IGF1R: variants seen among roughly 807,000 people sequenced by gnomAD.
IGF1R encodes insulin-like growth factor 1 receptor.
Under a neutral mutation model 144.6 loss-of-function variants are expected in IGF1R, and 44 were observed. The observed-to-expected ratio is 0.30, with a 90% confidence interval of 0.24 to 0.39. The LOEUF is 0.39. IGF1R is among the 10% of genes least tolerant of loss of function. The pLI is 1.00. For missense variants in IGF1R, 1,355 were observed against 1,833.7 expected, an observed-to-expected ratio of 0.74 and a Z score of 4.77; for synonymous variants, 795 against 722.8, an observed-to-expected ratio of 1.10 and a Z score of -1.60.
chr15:98,650,163 C>T (rs1038858966), intron 1 of IGF1R, among the ~76,000 whole-genome samples: 4 of 152,192 alleles, frequency 2.6e-5, no homozygotes, highest in Non-Finnish European at 5.9e-5. Flanking sequence ...AGCGGGCAGC[C>T]GCCCGGCCCG....
rs893652632 is a variant in IGF1R at position 98,887,635 on chromosome 15, G to A, written c.641-3690G>A. On this transcript the variant is annotated intron_variant, in intron 2 of 20. Coordinates refer to ENST00000650285, the MANE Select transcript of IGF1R (RefSeq NM_000875.5). ...ATGGTGATGTCTGAAGAGCAGCCTC[G>A]GTGCTCCAAGATGGGTGTATGCTTA... 5.3e-5 allele frequency among the ~76,000 whole-genome samples: 8 copies of A among 152,292 alleles called. 1 individual carries two copies. The South Asian group carries it at 1.2e-3, about 24-fold the overall frequency.
intron 1 of IGF1R, among the ~76,000 whole-genome samples, chr15:98,663,888 A>G (rs1269955558): frequency 1.3e-5 from 2 of 152,206 alleles, no homozygotes; most frequent in African/African-American, 2.4e-5. Context: ...GGACTTTGCT[A>G]CTGGTGCTTT....
In IGF1R at chr15:98,957,546, C is replaced by T. The variant is rs2017055288; in HGVS notation, c.*104C>T. 1 of 1,458,538 alleles carries T rather than the reference C, an allele frequency of 6.9e-7. No homozygotes were observed. The highest frequency in any genetic ancestry group is 9.5e-7 in the Non-Finnish European group (1 of 1,051,662). The allele number at this position is 1,458,538 out of a possible 1,614,324, so 90.3% of individuals were successfully genotyped here. ...ATCCATTCACAAGCCTCCTGTACCT[C>T]AGTGGATCTTCAGAACTGCCCTTGC... On this transcript the variant is annotated 3_prime_UTR_variant, in exon 21 of 21. Coordinates refer to ENST00000650285, the MANE Select transcript of IGF1R (RefSeq NM_000875.5).
chr15:98,852,844 TC>T, intron 2 of IGF1R, among the ~76,000 whole-genome samples: 1 of 152,298 alleles, frequency 6.6e-6, no homozygotes, highest in South Asian at 2.1e-4. Flanking sequence ...CGTCCTCCCT[TC>T]CCCCGGCATC....
intron 2 of IGF1R, among the ~76,000 whole-genome samples, chr15:98,718,311 G>C (rs371839829): frequency 1.3e-5 from 2 of 152,188 alleles, no homozygotes; most frequent in Non-Finnish European, 2.9e-5. Flanking sequence ...CAGAGGCAGC[G>C]TATTTAGGGA....
chr15:98,652,130 G>A (rs556995836), intron 1 of IGF1R, among the ~76,000 whole-genome samples: 1 of 152,262 alleles, frequency 6.6e-6, no homozygotes, highest in South Asian at 2.1e-4. Context: ...GTTTATCTTA[G>A]AAAACTTAGT....
At chr15:98,821,094 A>T (rs192255280) in intron 2 of IGF1R, among the ~76,000 whole-genome samples, 1 of 152,340 alleles carries the variant, frequency 6.6e-6, no homozygotes, top group East Asian at 1.9e-4. Flanking sequence ...AAGTAGATGA[A>T]CTAGAAGATG....
chr15:98,894,157 C>T (rs1363051940), intron 3 of IGF1R, among the ~76,000 whole-genome samples: 2 of 152,112 alleles, frequency 1.3e-5, no homozygotes, highest in Admixed American at 6.5e-5. Context: ...TCACTGCAGC[C>T]TCAAACTCCT....
At chr15:98,724,785 G>A (rs980785108) in intron 2 of IGF1R, among the ~76,000 whole-genome samples, 16 of 152,130 alleles carry the variant, frequency 1.1e-4, no homozygotes, top group African/African-American at 3.4e-4. Flanking sequence ...CGGATGCCTC[G>A]GTATCCCTCA....
At chr15:98,795,411 T>G (rs1249356703) in intron 2 of IGF1R, among the ~76,000 whole-genome samples, 1 of 149,308 alleles carries the variant, frequency 6.7e-6, no homozygotes, top group East Asian at 1.9e-4. Flanking sequence ...GTTTTTTGTT[T>G]TGTTTTGTTT....
intron 2 of IGF1R, among the ~76,000 whole-genome samples, chr15:98,754,482 TA>T (rs1384388777): frequency 3.9e-5 from 6 of 152,206 alleles, no homozygotes; most frequent in African/African-American, 1.4e-4. Context: ...GTGGTTGTGA[TA>T]AACTCCCAAC....
At chr15:98,692,392 T>G (rs986514957) in intron 1 of IGF1R, among the ~76,000 whole-genome samples, 6 of 152,166 alleles carry the variant, frequency 3.9e-5, no homozygotes, top group African/African-American at 1.4e-4. Context: ...CAGGCTGGAA[T>G]GCAGTGGTGT....
intron 8 of IGF1R, among the ~76,000 whole-genome samples, chr15:98,915,514 T>C (rs1161234700): frequency 6.6e-6 from 1 of 152,230 alleles, no homozygotes; most frequent in Non-Finnish European, 1.5e-5. Context: ...CTCTTTCCAT[T>C]TGGCTTCATG....
rs546077140 is a variant in IGF1R at position 98,689,695 on chromosome 15, T to G, written c.95-17867T>G. Among the ~76,000 whole-genome samples the G allele has an allele frequency of 2.0e-5, 3 of 152,338 alleles. No homozygotes were observed. In the South Asian group the frequency reaches 6.2e-4, roughly 32 times the overall value. The stretch of plus-strand genomic sequence containing the variant: ...AAGGCACATTAGGTTCTTGCCACAC[T>G]TTGCTGCCATCACAGATGGATGTGA... On this transcript the variant is annotated intron_variant, in intron 1 of 20. Transcript: ENST00000650285.
Position 98,922,381 on chromosome 15 carries a change from A to G in IGF1R, c.2435A>G (p.Lys812Arg). 4 of 1,614,066 alleles carry G rather than the reference A, an allele frequency of 2.5e-6. No homozygotes were observed. Among genetic ancestry groups the G allele is most frequent in the Non-Finnish European group, 3.4e-6 (4 of 1,180,034 alleles). Residue 812 changes from lysine (K) to arginine (R), a missense_variant, in exon 11 of 21, where the codon AAG becomes AGG. By Grantham distance (26) the Lys-to-Arg change is conservative. Around this residue, in one of 7 missense-constraint regions of IGF1R, gnomAD observed 880 missense variants for 1,202.7 expected, o/e 0.73. Transcript: ENST00000650285. ...DIHSCNHEAE[K>R]LGCSASNFVF... is the part of the protein sequence containing the mutation. ...CACAGCTGCAACCACGAGGCTGAGA[A>G]GCTGGGCTGCAGCGCCTCCAACTTC...
intron 2 of IGF1R, among the ~76,000 whole-genome samples, chr15:98,889,136 T>C (rs1220656328): frequency 6.6e-6 from 1 of 152,200 alleles, no homozygotes; most frequent in African/African-American, 2.4e-5. Context: ...GATGGCCATA[T>C]TATCAACTAA....
intron 6 of IGF1R, 43 bp downstream of exon 6, chr15:98,908,942 A>C (rs983358575): frequency 1.3e-6 from 2 of 1,544,704 alleles, no homozygotes; most frequent in Non-Finnish European, 1.8e-6. Flanking sequence ...AACCATCATG[A>C]TAACAGCAGA....
In IGF1R at chr15:98,831,221, T is replaced by C. The variant is rs80045132; in HGVS notation, c.641-60104T>C. ...TCCTAATTCCTTTCTACTTAAATGC[T>C]TTCTTTTCCATTTATTTCACCCACA... On this transcript the variant is annotated intron_variant, in intron 2 of 20. Coordinates refer to ENST00000650285, the MANE Select transcript of IGF1R (RefSeq NM_000875.5). Among the ~76,000 whole-genome samples the C allele has an allele frequency of 4.6e-3, 694 of 152,334 alleles. 5 individuals carry two copies. Among genetic ancestry groups the C allele is most frequent in the African/African-American group, 0.015 (611 of 41,568 alleles).
At chr15:98,840,555 T>G (rs1398826879) in intron 2 of IGF1R, among the ~76,000 whole-genome samples, 1 of 152,138 alleles carries the variant, frequency 6.6e-6, no homozygotes, top group Non-Finnish European at 1.5e-5. Context: ...GTTCATGCAG[T>G]CCTCCTGCCT....
Sources: gnomAD v4.1 joint callset for allele counts (sites outside exome capture counted in the v4.1 genomes callset) on GRCh38, gnomAD v4.1.1 for gene constraint, gnomAD v4.1.1 regional missense constraint, MANE v1.5 for transcripts, NCBI Gene and HGNC (gene_info 2026-07-23, HGNC 2026-07-21) for gene names.